Variants in CCNL1 observed in about 807,000 individuals in gnomAD.
CCNL1 encodes the protein cyclin-L1.
Under a neutral mutation model 60.6 loss-of-function variants are expected in CCNL1, and 13 were observed. That is an observed-to-expected ratio of 0.21 (90% CI 0.14 to 0.34). CCNL1 has a LOEUF of 0.34. Among genes scored for constraint, CCNL1 ranks in the 10% least tolerant of loss-of-function variants. The probability of loss-of-function intolerance (pLI) is 1.00; values close to 1 mark genes in which losing one functional copy is unlikely to be tolerated. For synonymous variants in CCNL1, 270 were observed against 244.3 expected, an observed-to-expected ratio of 1.10 and a Z score of -0.98; for missense variants, 481 against 664.3, an observed-to-expected ratio of 0.72 and a Z score of 3.03.
intron 1 of CCNL1, 114 bp downstream of exon 1, chr3:157,159,678 G>A: frequency 1.7e-6 from 2 of 1,150,972 alleles, no homozygotes; most frequent in Non-Finnish European, 2.4e-6. Context: ...CCCCGAACGG[G>A]AAAGCCTGAA....
Position 157,159,401 on chromosome 3 carries a change from T to C in CCNL1, c.378+4A>G. The C allele has an allele frequency of 6.2e-7, 1 of 1,613,964 alleles. No individual in the cohort carries two copies. The highest frequency in any genetic ancestry group is 1.1e-5 in the South Asian group (1 of 91,066). ...TCCCTTTTACCCGCCTCCGCTGTGC[T>C]TACCTCGAAACTGTGTTTGACGAAA... On this transcript the variant is annotated splice_donor_region_variant and intron_variant, in intron 2 of 10. Transcript: ENST00000295926.
intron 1 of CCNL1, 103 bp from the exon 2 acceptor site, chr3:157,159,582 G>A (rs548933029): frequency 2.6e-6 from 3 of 1,152,160 alleles, no homozygotes; most frequent in East Asian, 5.2e-5. Context: ...CCCTCCCGCC[G>A]CCGCCGCCGC....
rs762219999 is a variant in CCNL1 at position 157,150,054 on chromosome 3, A to G, written c.879+11T>C. On this transcript the variant is annotated intron_variant, in intron 7 of 10. Transcript: ENST00000295926. ...TTAGCATGTTGGCACAAACGAGTAA[A>G]TAGAGAATACCTTTTTTCTGGTATA... 1.9e-6 allele frequency: 3 copies of G among 1,608,438 alleles called. No individual in the cohort carries two copies. The highest frequency in any genetic ancestry group is 2.5e-6 in the Non-Finnish European group (3 of 1,178,352).
intron 1 of CCNL1, 28 bp downstream of exon 1, chr3:157,159,764 C>T: frequency 6.7e-7 from 1 of 1,502,504 alleles, no homozygotes; most frequent in Non-Finnish European, 8.9e-7. Context: ...AGAGGAGCGC[C>T]CGGCCGGCCC....
chr3:157,148,075 A>T lies in CCNL1; in HGVS notation c.*166T>A, dbSNP rs1354275971. The T allele has an allele frequency of 3.6e-6, 5 of 1,387,266 alleles. No homozygotes were observed. The highest frequency in any genetic ancestry group is 4.7e-6 in the Non-Finnish European group (5 of 1,074,516). 85.9% of individuals were successfully genotyped at this position (1,387,266 alleles called of 1,614,324 possible). On this transcript the variant is annotated 3_prime_UTR_variant, in exon 11 of 11. Transcript: ENST00000295926. ...GGGCATTTTAATGTGCAAAAAAATT[A>T]ACATAGTTCTTTTCAAAAGAAACTG...
chr3:157,148,976 G>T (rs904186016), intron 10 of CCNL1: 12 of 327,588 alleles, frequency 3.7e-5, no homozygotes, highest in Non-Finnish European at 5.5e-5. Context: ...AGGGGTTAAT[G>T]AAACACATTT....
At position 157,148,491 on chromosome 3, in the gene CCNL1, C is replaced by A. The variant is rs1372534670; in HGVS notation, c.1331G>T (p.Gly444Val). The A allele has an allele frequency of 6.2e-7, 1 of 1,614,116 alleles. No homozygotes were observed. The highest frequency in any genetic ancestry group is 8.5e-7 in the Non-Finnish European group (1 of 1,180,022). The change falls in exon 11 of 11, where the codon GGT becomes GTT. Residue 444 changes from glycine (G) to valine (V), a missense_variant. This residue lies in a region of CCNL1 where 197 missense variants were observed against 233.9 expected (regional missense o/e 0.84). Coordinates refer to ENST00000295926, the MANE Select transcript of CCNL1 (RefSeq NM_020307.4). ...SESPRRHHNH[G>V]SPHLKAKHTR... ...ATGCTTGGCCTTAAGGTGAGGAGAA[C>A]CATGATTATGATGTCTTCGAGGGCT...
intron 3 of CCNL1, among the ~76,000 whole-genome samples, chr3:157,157,237 A>G (rs1738690819): frequency 6.6e-6 from 1 of 152,260 alleles, no homozygotes; most frequent in South Asian, 2.1e-4. Flanking sequence ...AAATTTTGCT[A>G]TAATCAGACT....
rs774516107 is a variant in CCNL1 at position 157,154,883 on chromosome 3, A to AT, written c.489-1728dup. On this transcript the variant is annotated intron_variant, in intron 3 of 10. Coordinates refer to ENST00000295926, the MANE Select transcript of CCNL1 (RefSeq NM_020307.4). ...TAGGCTACAAATTGCTCTTTGGAAA[A>AT]TAAGTCAAACTTAATTCTCATGAAA... 6.6e-5 allele frequency among the ~76,000 whole-genome samples: 10 copies of AT among 152,226 alleles called. 1 individual carries two copies. In the Middle Eastern group the frequency reaches 0.014, roughly 207 times the overall value.
At chr3:157,144,874 T>C (rs970500884), downstream of CCNL1, among the ~76,000 whole-genome samples, 4 of 142,732 alleles carry the variant, frequency 2.8e-5, no homozygotes, top group South Asian at 6.1e-4. Flanking sequence ...ATGATTGTTA[T>C]GATATTATTT....
At chr3:157,152,331 C>T in intron 4 of CCNL1, 90 bp from the exon 5 acceptor site, 3 of 1,542,330 alleles carry the variant, frequency 1.9e-6, no homozygotes, top group Non-Finnish European at 2.6e-6. Context: ...AAATGTTAGA[C>T]TCAAGTTCTA....
chr3:157,148,073 T>A lies in CCNL1; in HGVS notation c.*168A>T. On this transcript the variant is annotated 3_prime_UTR_variant, in exon 11 of 11. Coordinates refer to ENST00000295926, the MANE Select transcript of CCNL1 (RefSeq NM_020307.4). Reference sequence around the variant, plus strand: ...TAGGGCATTTTAATGTGCAAAAAAATTAACATAGTTCTTTTCAAAAGAAAC... The same window carrying A: ...TAGGGCATTTTAATGTGCAAAAAAAATAACATAGTTCTTTTCAAAAGAAAC... 1.4e-6 allele frequency: 2 copies of A among 1,386,590 alleles called. No homozygotes were observed. Among genetic ancestry groups the A allele is most frequent in the Non-Finnish European group, 9.3e-7 (1 of 1,074,310 alleles). The allele number at this position is 1,386,590 out of a possible 1,614,324, so 85.9% of individuals were successfully genotyped here. A position where few individuals can be genotyped will look rare whatever the true frequency, so the allele number is the denominator to read the frequency against.
chr3:157,148,090 A>C lies in CCNL1; in HGVS notation c.*151T>G. On this transcript the variant is annotated 3_prime_UTR_variant, in exon 11 of 11. Transcript: ENST00000295926. ...CAAAAAAATTAACATAGTTCTTTTC[A>C]AAAGAAACTGTCCTCAGTGTTCTAG... 1 of 1,403,166 alleles carries C rather than the reference A, an allele frequency of 7.1e-7. No individual in the cohort carries two copies. The highest frequency in any genetic ancestry group is 9.3e-7 in the Non-Finnish European group (1 of 1,080,640). 86.9% of individuals were successfully genotyped at this position (1,403,166 alleles called of 1,614,324 possible).
chr3:157,155,686 A>T (rs993522658), intron 3 of CCNL1, among the ~76,000 whole-genome samples: 2 of 152,170 alleles, frequency 1.3e-5, no homozygotes, highest in Non-Finnish European at 2.9e-5. Context: ...ATATATCTCC[A>T]TCAATCAGCA....
At position 157,150,112 on chromosome 3, in the gene CCNL1, T is replaced by C. The variant is rs767920475; in HGVS notation, c.832A>G (p.Ile278Val). The change falls in exon 7 of 11, where the codon ATC (isoleucine) becomes GTC (valine). Residue 278 changes from isoleucine to valine, a missense_variant. Ile to Val is a conservative substitution (Grantham distance 29). Around this residue, in one of 5 missense-constraint regions of CCNL1, gnomAD observed 75 missense variants for 129.6 expected, o/e 0.58. Coordinates refer to ENST00000295926, the MANE Select transcript of CCNL1 (RefSeq NM_020307.4). ...AGTGTTTCTATGCAGATTTCCTGGA[T>C]TTCCTCTTCTGTAGTACCAAAAAGA... ...FLLFGTTEEE[I>V]QEICIETLRL... is the part of the protein sequence containing the mutation. 1 of 1,612,886 alleles carries C rather than the reference T, an allele frequency of 6.2e-7. No individual in the cohort carries two copies. Among genetic ancestry groups the C allele is most frequent in the East Asian group, 2.2e-5 (1 of 44,872 alleles).
At chr3:157,144,456 C>T (rs1737726108), downstream of CCNL1, among the ~76,000 whole-genome samples, 1 of 152,226 alleles carries the variant, frequency 6.6e-6, no homozygotes, top group Admixed American at 6.5e-5. Flanking sequence ...CTTGTCAAGT[C>T]ACTGTGGAGG....
chr3:157,149,721 A>G, intron 8 of CCNL1, 115 bp downstream of exon 8: 2 of 1,464,458 alleles, frequency 1.4e-6, no homozygotes, highest in East Asian at 2.3e-5. Flanking sequence ...ATGAGAGAAC[A>G]TAGCAGCAGT....
intron 4 of CCNL1, chr3:157,152,454 AG>A: frequency 7.9e-7 from 1 of 1,261,236 alleles, no homozygotes; most frequent in Middle Eastern, 3.2e-4. Flanking sequence ...AAAATTGTAC[AG>A]GAAAAAAGGC....
chr3:157,149,883 G>A lies in CCNL1; in HGVS notation c.974C>T (p.Thr325Ile). ...TCCACCCAGGGTTGAAAGGGCTGGA[G>A]TTCCATCCGGATTCAATCCCTTTGC... The part of the protein sequence containing the change: ...LKAKGLNPDG[T>I]PALSTLGGFS... The change falls in exon 8 of 11, where the codon ACT (threonine) becomes ATT (isoleucine). Residue 325 changes from threonine (T) to isoleucine (I), a missense_variant. Thr to Ile is a moderately conservative substitution (Grantham distance 89). Transcript: ENST00000295926. 6.2e-7 allele frequency: 1 copy of A among 1,614,094 alleles called. No individual in the cohort carries two copies. Among genetic ancestry groups the A allele is most frequent in the Non-Finnish European group, 8.5e-7 (1 of 1,179,990 alleles).
Sources: allele counts gnomAD v4.1 joint callset (sites outside exome capture counted in the v4.1 genomes callset), GRCh38; gene constraint gnomAD v4.1.1; regional missense constraint gnomAD v4.1.1; transcripts MANE v1.5; gene names NCBI Gene and HGNC (gene_info 2026-07-23, HGNC 2026-07-21).